Variants in CES5A observed in about 807,000 individuals in gnomAD.
CES5A encodes carboxylesterase 5A.
CES5A carries 67 observed loss-of-function variants against 62.9 expected under a neutral mutation model. The observed-to-expected ratio is 1.07, with a 90% CI of 0.88 to 1.31. The LOEUF (loss-of-function observed/expected upper bound fraction) is 1.31, where lower values mean the gene tolerates loss of function less well. CES5A is among the 50% of genes most tolerant of loss of function. CES5A has a pLI of 0.00. For synonymous variants in CES5A, 296 were observed against 280.8 expected (o/e 1.05, Z -0.54); for missense variants, 748 against 708.5 (o/e 1.06, Z -0.63).
Position 55,923,636 on chromosome 16 carries a change from G to A in CES5A, c.-256+1687C>T, listed in dbSNP as rs1010643526. Among the ~76,000 whole-genome samples the A allele has an allele frequency of 5.0e-4, 76 of 151,878 alleles. 2 individuals are homozygous for A. Among genetic ancestry groups the A allele is most frequent in the South Asian group, 2.1e-4 (1 of 4,810 alleles). On this transcript the variant is annotated intron_variant, in intron 1 of 12. Coordinates refer to the CES5A transcript ENST00000518005. Reference sequence around the variant, plus strand: ...TCTCAAACTCTTCAAAAAAATTGAAGAGGACAGGACACTTCCAAACTCATT... The same window carrying A: ...TCTCAAACTCTTCAAAAAAATTGAAAAGGACAGGACACTTCCAAACTCATT...
chr16:55,880,754 T>G (rs2033753316), intron 1 of CES5A, among the ~76,000 whole-genome samples: 1 of 152,208 alleles, frequency 6.6e-6, no homozygotes, highest in Non-Finnish European at 1.5e-5. Context: ...AGTATTGTGG[T>G]GATGGCTGCC....
At chr16:55,918,399 C>G (rs946289933) in intron 1 of CES5A, among the ~76,000 whole-genome samples, 2 of 152,156 alleles carry the variant, frequency 1.3e-5, no homozygotes, top group African/African-American at 4.8e-5. Flanking sequence ...CTGGCTCCCT[C>G]TTATCTCAAT....
chr16:55,859,533 G>A lies in CES5A; in HGVS notation c.1056+14C>T. The A allele has an allele frequency of 6.2e-7, 1 of 1,609,110 alleles. No homozygotes were observed. The highest frequency in any genetic ancestry group is 8.5e-7 in the Non-Finnish European group (1 of 1,178,770). On this transcript the variant is annotated intron_variant, in intron 8 of 12. Coordinates refer to ENST00000290567, the MANE Select transcript of CES5A (RefSeq NM_001143685.2). ...GTTTGAGGGAGTGGCAGTATGGACA[G>A]CCAGAATTCTTACCATAGGCAGCAG...
chr16:55,859,471 G>T, intron 8 of CES5A, 76 bp downstream of exon 8: 1 of 1,437,812 alleles, frequency 7.0e-7, no homozygotes, highest in Non-Finnish European at 9.6e-7. Context: ...TGTCTTCTGT[G>T]GAAATGCCCA....
At chr16:55,955,018 G>A (rs1410022925) in intron 1 of CES5A, among the ~76,000 whole-genome samples, 2 of 152,104 alleles carry the variant, frequency 1.3e-5, no homozygotes, top group African/African-American at 4.8e-5. Flanking sequence ...CTCCAAAGTT[G>A]CTTCCAACTC....
chr16:55,884,282 A>G (rs2033791063), intron 1 of CES5A, among the ~76,000 whole-genome samples: 3 of 152,118 alleles, frequency 2.0e-5, no homozygotes, highest in East Asian at 1.9e-4. Flanking sequence ...TTTATCCTTT[A>G]TCATGCATGT....
chr16:55,947,771 G>C (rs1452000076), intron 2 of CES5A, among the ~76,000 whole-genome samples: 1 of 152,048 alleles, frequency 6.6e-6, no homozygotes, highest in African/African-American at 2.4e-5. Flanking sequence ...AGAACTTCAA[G>C]TAGGTCAGGA....
chr16:55,852,561 G>C (rs188652426), intron 10 of CES5A, among the ~76,000 whole-genome samples: 46 of 152,254 alleles, frequency 3.0e-4, no homozygotes, highest in African/African-American at 1.1e-3. Context: ...ACTACGTATG[G>C]CTAAGATGTT....
At chr16:55,885,775 A>C (rs2033809426) in intron 1 of CES5A, among the ~76,000 whole-genome samples, 1 of 152,208 alleles carries the variant, frequency 6.6e-6, no homozygotes, top group South Asian at 2.1e-4. Flanking sequence ...ATTGGAAGCC[A>C]TAGTTGGAAG....
intron 1 of CES5A, among the ~76,000 whole-genome samples, chr16:55,923,996 G>T (rs377088311): frequency 1.3e-5 from 2 of 151,838 alleles, no homozygotes; most frequent in South Asian, 4.1e-4. Context: ...TTTTCCCTAA[G>T]ATCTGGAATA....
At chr16:55,909,051 G>C (rs971860981) in intron 1 of CES5A, among the ~76,000 whole-genome samples, 9 of 152,240 alleles carry the variant, frequency 5.9e-5, no homozygotes, top group Admixed American at 5.9e-4. Flanking sequence ...CACACTTGTA[G>C]ACATGAGGAG....
chr16:55,861,284 G>T (rs1475487889), intron 7 of CES5A, 128 bp downstream of exon 7: 3 of 630,530 alleles, frequency 4.8e-6, no homozygotes, highest in Admixed American at 5.8e-5. Flanking sequence ...TTTTACAGCT[G>T]TTACCAAGTA....
chr16:55,930,981 T>C (rs1259737312), intron 2 of CES5A, among the ~76,000 whole-genome samples: 4 of 152,190 alleles, frequency 2.6e-5, no homozygotes, highest in Non-Finnish European at 5.9e-5. Context: ...CCACCACCAG[T>C]ATGATTCTGT....
rs138293379 is a variant in CES5A, at chr16:55,889,285, ACTAT to A, written c.-255-15252_-255-15249del. Among the ~76,000 whole-genome samples, 417 of 152,314 alleles carry A rather than the reference ACTAT, an allele frequency of 2.7e-3. 1 individual carries two copies. Among genetic ancestry groups the A allele is most frequent in the African/African-American group, 9.1e-3 (377 of 41,568 alleles). ...TCTTCTAATGCAATTCAGTTCTGAC[ACTAT>A]CTACCTGGAGACAGCAGCAAATCCC... On this transcript the variant is annotated intron_variant, in intron 1 of 12. Transcript: ENST00000518005.
intron 1 of CES5A, among the ~76,000 whole-genome samples, chr16:55,907,797 T>C (rs1040118359): frequency 5.3e-5 from 8 of 152,130 alleles, no homozygotes; most frequent in Admixed American, 2.0e-4. Context: ...ACAAGTCTCC[T>C]CACCACCAAG....
chr16:55,874,327 C>G (rs1048310948), intron 1 of CES5A, among the ~76,000 whole-genome samples: 3 of 152,172 alleles, frequency 2.0e-5, no homozygotes, highest in African/African-American at 7.2e-5. Flanking sequence ...GCTGAGAGCG[C>G]TTTCTTTCTA....
chr16:55,938,674 T>C (rs1244191706), intron 2 of CES5A, among the ~76,000 whole-genome samples: 1 of 131,806 alleles, frequency 7.6e-6, no homozygotes, highest in Non-Finnish European at 1.5e-5. Context: ...GGGCAGAGCT[T>C]GCAGTGAGCC....
intron 1 of CES5A, among the ~76,000 whole-genome samples, chr16:55,918,500 AATC>A (rs2034169752): frequency 6.6e-6 from 1 of 152,202 alleles, no homozygotes; most frequent in South Asian, 2.1e-4. Context: ...TGAAAGAAAT[AATC>A]ATCACTAATC....
chr16:55,915,972 G>T (rs558065317), intron 1 of CES5A, among the ~76,000 whole-genome samples: 2 of 152,296 alleles, frequency 1.3e-5, no homozygotes, highest in South Asian at 4.1e-4. Context: ...CAGTGGCATT[G>T]CAATAAAGAA....
Sources: allele counts gnomAD v4.1 joint callset (sites outside exome capture counted in the v4.1 genomes callset), GRCh38; gene constraint gnomAD v4.1.1; transcripts MANE v1.5; gene names NCBI Gene and HGNC (gene_info 2026-07-23, HGNC 2026-07-21).